CD163L1: variants seen among roughly 807,000 people sequenced by gnomAD.
The protein encoded by CD163L1 is CD163 molecule like 1.
Under a neutral mutation model 165.4 loss-of-function variants are expected in CD163L1, and 124 were observed. The ratio of observed to expected loss-of-function variants is 0.75; its 90% confidence interval spans 0.65 to 0.87. The LOEUF is 0.87. Among genes scored for constraint, CD163L1 ranks in the 40% least tolerant of loss-of-function variants. CD163L1 has a pLI of 0.00. For synonymous variants in CD163L1, 585 were observed against 662.2 expected, an observed-to-expected ratio of 0.88 and a Z score of 1.79; for missense variants, 1,525 against 1,799.9, an observed-to-expected ratio of 0.85 and a Z score of 2.76.
chr12:7,389,334 T>C (rs1315373504), intron 8 of CD163L1, among the ~76,000 whole-genome samples: 1 of 152,204 alleles, frequency 6.6e-6, no homozygotes, highest in Non-Finnish European at 1.5e-5. Context: ...GTATTTTTGA[T>C]TTGCACTTCT....
At chr12:7,321,965 A>G in the CD163L1 span, among the ~76,000 whole-genome samples, 1 of 152,202 alleles carries the variant, frequency 6.6e-6, no homozygotes, top group Non-Finnish European at 1.5e-5. Flanking sequence ...CCTTTATTAC[A>G]TGGAAGGCTT....
At chr12:7,383,400 T>C (rs1462304918) in intron 8 of CD163L1, among the ~76,000 whole-genome samples, 2 of 152,142 alleles carry the variant, frequency 1.3e-5, no homozygotes, top group African/African-American at 2.4e-5. Flanking sequence ...ACTACTGCTA[T>C]TGGTGACACC....
At chr12:7,412,967 G>A (rs1464916011) in intron 4 of CD163L1, among the ~76,000 whole-genome samples, 1 of 151,650 alleles carries the variant, frequency 6.6e-6, no homozygotes, top group Non-Finnish European at 1.5e-5. Context: ...ATGGTGGCAG[G>A]TGCCTATAAT....
intron 6 of CD163L1, among the ~76,000 whole-genome samples, chr12:7,402,508 G>T (rs1412218063): frequency 6.6e-6 from 1 of 152,004 alleles, no homozygotes; most frequent in Non-Finnish European, 1.5e-5. Context: ...GTTGGAAATG[G>T]TTATGTAGGC....
chr12:7,415,896 G>C (rs1195804713), intron 4 of CD163L1, among the ~76,000 whole-genome samples: 1 of 152,176 alleles, frequency 6.6e-6, no homozygotes, highest in East Asian at 1.9e-4. Context: ...GCAAGTGCAT[G>C]TATCTTTATA....
chr12:7,355,116 T>A lies in CD163L1; in HGVS notation c.*39A>T, dbSNP rs1946746869. On this transcript the variant is annotated 3_prime_UTR_variant, in exon 20 of 20. Transcript: ENST00000313599. ...TAAAAGTTGTTGTCTCCTTCAAAGATATTTAGAGGTTGATCTGAAATTATA... is the reference window on the plus strand; with the variant it reads ...TAAAAGTTGTTGTCTCCTTCAAAGAAATTTAGAGGTTGATCTGAAATTATA... The A allele has an allele frequency of 6.6e-6, 1 of 152,140 alleles. No homozygotes were observed. The highest frequency in any genetic ancestry group is 1.5e-5 in the Non-Finnish European group (1 of 68,010). The allele number at this position is 152,140 out of a possible 1,614,324, so 9.4% of individuals were successfully genotyped here.
At chr12:7,367,142 C>T in intron 18 of CD163L1, 94 bp downstream of exon 18, 1 of 647,200 alleles carries the variant, frequency 1.5e-6, no homozygotes, top group South Asian at 2.4e-5. Context: ...GAGGCTGAGA[C>T]ACATCTCCAT....
At chr12:7,382,724 A>C (rs1947437450) in intron 8 of CD163L1, among the ~76,000 whole-genome samples, 1 of 152,020 alleles carries the variant, frequency 6.6e-6, no homozygotes, top group Admixed American at 6.5e-5. Context: ...CAACCCCAAG[A>C]CCCAGGTAAC....
chr12:7,417,609 T>C (rs1948272022), intron 4 of CD163L1, among the ~76,000 whole-genome samples: 1 of 152,126 alleles, frequency 6.6e-6, no homozygotes, highest in Non-Finnish European at 1.5e-5. Flanking sequence ...TTATTGAGAG[T>C]TTTTACCATG....
the CD163L1 span, among the ~76,000 whole-genome samples, chr12:7,330,036 T>C: frequency 6.6e-6 from 1 of 152,212 alleles, no homozygotes; most frequent in African/African-American, 2.4e-5. Context: ...GCAAGTCTAC[T>C]GAAGAAGGCA....
At chr12:7,402,021 T>C (rs1246936058) in intron 6 of CD163L1, among the ~76,000 whole-genome samples, 2 of 151,950 alleles carry the variant, frequency 1.3e-5, no homozygotes, top group African/African-American at 2.4e-5. Context: ...CATAGATAAA[T>C]AGATTCATAA....
chr12:7,377,512 T>A (rs1183851491), intron 9 of CD163L1, among the ~76,000 whole-genome samples: 1 of 152,238 alleles, frequency 6.6e-6, no homozygotes. Flanking sequence ...CCCCTTAAAA[T>A]ACAGCTTTTT....
chr12:7,382,325 G>A (rs878884218), intron 8 of CD163L1, among the ~76,000 whole-genome samples: 2 of 151,804 alleles, frequency 1.3e-5, no homozygotes, highest in Admixed American at 6.6e-5. Flanking sequence ...GCTTCAAGAC[G>A]GCTACTAGAG....
chr12:7,322,895 G>A, the CD163L1 span, among the ~76,000 whole-genome samples: 5 of 152,138 alleles, frequency 3.3e-5, no homozygotes, highest in Admixed American at 2.0e-4. Context: ...GGAGTCCAAG[G>A]AGTGGTTTTC....
chr12:7,440,265 G>A lies in CD163L1; in HGVS notation c.124+889C>T, dbSNP rs746752722. 6.4e-4 allele frequency among the ~76,000 whole-genome samples: 98 copies of A among 151,998 alleles called. 1 individual carries two copies. The highest frequency in any genetic ancestry group is 1.7e-3 in the Admixed American group (26 of 15,266). ...CTGGAGGCGGCCCCGCGAAGCTCAG[G>A]AGCGCCCCTGCGACGGGGAGGGCGG... On this transcript the variant is annotated intron_variant, in intron 2 of 19. Transcript: ENST00000313599.
chr12:7,384,530 T>A (rs1032832922), intron 8 of CD163L1, among the ~76,000 whole-genome samples: 4 of 151,868 alleles, frequency 2.6e-5, no homozygotes, highest in Non-Finnish European at 4.4e-5. Context: ...GATAAAAAAA[T>A]AATTTTAAAT....
At chr12:7,373,250 G>T in intron 14 of CD163L1, 70 bp downstream of exon 14, 1 of 1,354,296 alleles carries the variant, frequency 7.4e-7, no homozygotes, top group Non-Finnish European at 1.0e-6. Context: ...TGAATGGAAA[G>T]ATTTGCTATT....
chr12:7,365,430 C>CA (rs1327548781), intron 18 of CD163L1, among the ~76,000 whole-genome samples: 1 of 151,944 alleles, frequency 6.6e-6, no homozygotes, highest in Non-Finnish European at 1.5e-5. Context: ...TTATATCAAT[C>CA]AAAAATCTTC....
chr12:7,336,407 G>T, the CD163L1 span, among the ~76,000 whole-genome samples: 1 of 152,060 alleles, frequency 6.6e-6, no homozygotes, highest in East Asian at 1.9e-4. Flanking sequence ...CTATTGCGAG[G>T]ACAAAAAACC....
Sources: gnomAD v4.1 joint callset for allele counts (sites outside exome capture counted in the v4.1 genomes callset) on GRCh38, gnomAD v4.1.1 for gene constraint, MANE v1.5 for transcripts, NCBI Gene and HGNC (gene_info 2026-07-23, HGNC 2026-07-21) for gene names.